Variants in PPEF1 observed in about 807,000 individuals in gnomAD.
The protein encoded by PPEF1 is protein phosphatase with EF-hand domain 1, also known as serine/threonine-protein phosphatase with EF-hands 1.
In PPEF1, 12 loss-of-function variants were observed where a neutral mutation model predicts 53.3. The ratio of observed to expected loss-of-function variants is 0.23; its 90% CI spans 0.14 to 0.36. The LOEUF (loss-of-function observed/expected upper bound fraction) is 0.36, where lower values mean the gene tolerates loss of function less well. Ranked by LOEUF, PPEF1 falls within the 10% of genes least tolerant of loss-of-function variation. PPEF1 has a pLI of 1.00. For missense variants in PPEF1, 334 were observed against 490.4 expected (o/e 0.68, Z 3.01); for synonymous variants, 165 against 176.7 (o/e 0.93, Z 0.52).
At chrX:18,794,216 G>C (rs191739590) in intron 10 of PPEF1, among the ~76,000 whole-genome samples, 38 of 113,213 alleles carry the variant, frequency 3.4e-4, no homozygotes, top group African/African-American at 1.2e-3. Context: ...TTTCTCATCT[G>C]TGTCTTTCCC....
chrX:18,756,596 G>T, intron 4 of PPEF1, among the ~76,000 whole-genome samples: 1 of 112,324 alleles, frequency 8.9e-6, no homozygotes, highest in Non-Finnish European at 1.9e-5. Flanking sequence ...TATAAATGGA[G>T]AAACTGCCAT....
intron 6 of PPEF1, among the ~76,000 whole-genome samples, chrX:18,770,988 C>G (rs75316840): frequency 8.9e-6 from 1 of 112,483 alleles, no homozygotes; most frequent in South Asian, 3.7e-4. Flanking sequence ...CCAGGTGATT[C>G]TAATGTGCAG....
At chrX:18,701,438 G>C (rs964585473) in intron 6 of PPEF1, among the ~76,000 whole-genome samples, 80 of 112,236 alleles carry the variant, frequency 7.1e-4, no homozygotes, top group African/African-American at 2.3e-3. Context: ...GTTCAAGCTA[G>C]TTTTTTCCCA....
intron 4 of PPEF1, among the ~76,000 whole-genome samples, chrX:18,750,394 G>T (rs752129365): frequency 8.9e-6 from 1 of 111,749 alleles, no homozygotes; most frequent in Non-Finnish European, 1.9e-5. Flanking sequence ...GATATTTCAT[G>T]TAAATGAAAT....
At chrX:18,742,532 A>G (rs759063623) in intron 3 of PPEF1, among the ~76,000 whole-genome samples, 1 of 111,376 alleles carries the variant, frequency 9.0e-6, no homozygotes, top group South Asian at 3.8e-4. Flanking sequence ...GGTTTTAATC[A>G]CATGTCTGGG....
chrX:18,679,669 A>G (rs181763832), upstream of PPEF1, among the ~76,000 whole-genome samples: 24 of 111,576 alleles, frequency 2.2e-4, no homozygotes, highest in Admixed American at 2.0e-3. Context: ...CACAGTAGCC[A>G]GAGTGGTCCT....
At chrX:18,769,493 C>T (rs2045833264) in intron 6 of PPEF1, among the ~76,000 whole-genome samples, 1 of 111,262 alleles carries the variant, frequency 9.0e-6, no homozygotes, top group Admixed American at 9.6e-5. Flanking sequence ...AAATTGATGC[C>T]ATGAGTGGTG....
chrX:18,826,417 C>CTTTTTTTTTTTTTTTTTTTTTTTTT (rs58697941), intron 15 of PPEF1, among the ~76,000 whole-genome samples: 1 of 24,626 alleles, frequency 4.1e-5, no homozygotes, highest in Non-Finnish European at 6.5e-5. Context: ...TCATTTTCTG[C>CTTTTTTTTTTTTTTTTTTTTTTTTT]TTTTTTTTTT....
intron 12 of PPEF1, among the ~76,000 whole-genome samples, chrX:18,810,952 CT>C (rs1298789419): frequency 9.0e-6 from 1 of 110,964 alleles, no homozygotes; most frequent in East Asian, 2.8e-4. Context: ...AACTTGCAAA[CT>C]TTTTTCCCAA....
intron 8 of PPEF1, 122 bp from the exon 9 acceptor site, chrX:18,783,777 G>A (rs2046144316): frequency 1.6e-6 from 1 of 633,764 alleles, no homozygotes; most frequent in African/African-American, 2.2e-5. Context: ...TAATTGGTTA[G>A]TGACTCCTTG....
intron 3 of PPEF1, among the ~76,000 whole-genome samples, chrX:18,748,167 C>T (rs1221248542): frequency 3.6e-5 from 4 of 112,112 alleles, no homozygotes; most frequent in African/African-American, 9.7e-5. Context: ...TAACCACTCC[C>T]GGACCACATT....
chrX:18,754,487 A>C (rs1054742986), intron 4 of PPEF1, among the ~76,000 whole-genome samples: 6 of 111,693 alleles, frequency 5.4e-5, no homozygotes, highest in African/African-American at 2.0e-4. Context: ...GTAATTCCTG[A>C]GATTGAACTG....
chrX:18,776,258 G>A (rs143977428), intron 6 of PPEF1, among the ~76,000 whole-genome samples: 1 of 109,194 alleles, frequency 9.2e-6, no homozygotes, highest in African/African-American at 3.4e-5. Context: ...GTTTTAGACA[G>A]GGTCTCACTG....
intron 1 of PPEF1, among the ~76,000 whole-genome samples, chrX:18,711,967 C>T (rs940401510): frequency 9.0e-6 from 1 of 111,251 alleles, no homozygotes; most frequent in Non-Finnish European, 1.9e-5. Context: ...GTTGGCCAGG[C>T]TGGTCTGAAC....
chrX:18,793,342 A>G (rs1437062684), intron 10 of PPEF1, among the ~76,000 whole-genome samples: 1 of 111,408 alleles, frequency 9.0e-6, no homozygotes, highest in African/African-American at 3.3e-5. Flanking sequence ...TAATTTCTAC[A>G]TATTTATGAA....
intron 10 of PPEF1, among the ~76,000 whole-genome samples, chrX:18,798,976 G>A (rs1282221996): frequency 2.7e-5 from 3 of 110,874 alleles, no homozygotes; most frequent in Non-Finnish European, 3.8e-5. Flanking sequence ...GGCGGCTCAC[G>A]CCTGTGATCC....
upstream of PPEF1, among the ~76,000 whole-genome samples, chrX:18,704,372 A>G (rs2044153388): frequency 9.0e-6 from 1 of 111,496 alleles, no homozygotes; most frequent in Non-Finnish European, 1.9e-5. Flanking sequence ...GGCATGGTGC[A>G]CTTTAAATGT....
chrX:18,788,763 A>G (rs986034700), intron 9 of PPEF1, among the ~76,000 whole-genome samples: 3 of 112,228 alleles, frequency 2.7e-5, no homozygotes, highest in African/African-American at 9.7e-5. Context: ...TGAAGATCCT[A>G]TGGCTAGATA....
At chrX:18,775,814 G>A (rs1035588828) in intron 6 of PPEF1, among the ~76,000 whole-genome samples, 4 of 112,006 alleles carry the variant, frequency 3.6e-5, no homozygotes, top group African/African-American at 9.7e-5. Flanking sequence ...CTCCTGCATC[G>A]AGTGTGAAAA....
Sources: gnomAD v4.1 joint callset for allele counts (sites outside exome capture counted in the v4.1 genomes callset) on GRCh38, gnomAD v4.1.1 for gene constraint, MANE v1.5 for transcripts, NCBI Gene and HGNC (gene_info 2026-07-23, HGNC 2026-07-21) for gene names.